Variants in CPNE8 observed in about 807,000 individuals in gnomAD.
CPNE8 encodes copine 8.
A neutral mutation model predicts 81.5 loss-of-function variants in CPNE8; 45 were observed. The ratio of observed to expected loss-of-function variants is 0.55; its 90% CI spans 0.44 to 0.71. The LOEUF is 0.71. CPNE8 is among the 30% of genes least tolerant of loss of function. The probability of loss-of-function intolerance (pLI) is 0.00; values close to 1 mark genes in which losing one functional copy is unlikely to be tolerated. For missense variants in CPNE8, 594 were observed against 672.1 expected, an observed-to-expected ratio of 0.88 and a Z score of 1.28; for synonymous variants, 252 against 226.3, an observed-to-expected ratio of 1.11 and a Z score of -1.02.
chr12:38,746,771 T>A (rs547325948), intron 10 of CPNE8, among the ~76,000 whole-genome samples: 212 of 152,308 alleles, frequency 1.4e-3, no homozygotes, highest in African/African-American at 4.9e-3. Context: ...TTACAGAGAA[T>A]AAAGTGCAAT....
chr12:38,761,615 G>C (rs1258024767), intron 9 of CPNE8, among the ~76,000 whole-genome samples: 1 of 151,926 alleles, frequency 6.6e-6, no homozygotes, highest in Non-Finnish European at 1.5e-5. Flanking sequence ...GGATGGATGG[G>C]GTTTTTATAT....
rs540250905 is a variant in CPNE8, at chr12:38,772,911, T to C, written c.471+3327A>G. ...ATGAATAGATACAGAAAATGTTTTA[T>C]ATATATATAAAATTTATACACACAC... On this transcript the variant is annotated intron_variant, in intron 7 of 19. Transcript: ENST00000331366. Among the ~76,000 whole-genome samples, 9 of 141,174 alleles carry C rather than the reference T, an allele frequency of 6.4e-5. No homozygotes were observed. In the South Asian group the frequency reaches 2.1e-3, roughly 33 times the overall value. 92.6% of individuals were successfully genotyped at this position (141,174 alleles called of 152,430 possible).
chr12:38,666,495 G>A (rs1239803744), intron 19 of CPNE8, among the ~76,000 whole-genome samples: 3 of 152,260 alleles, frequency 2.0e-5, no homozygotes, highest in East Asian at 3.9e-4. Context: ...CAGGTGCGGC[G>A]AGTGAGGTCT....
intron 10 of CPNE8, among the ~76,000 whole-genome samples, chr12:38,743,721 T>G (rs561896012): frequency 1.3e-5 from 2 of 152,264 alleles, no homozygotes; most frequent in African/African-American, 4.8e-5. Flanking sequence ...ACAAAATTCT[T>G]GATTTAGGGA....
In CPNE8 at chr12:38,767,653, C is replaced by T. The variant is rs201488026; in HGVS notation, c.557G>A (p.Arg186Gln). 3.8e-5 allele frequency: 59 copies of T among 1,559,060 alleles called. No individual in the cohort carries two copies. The highest frequency in any genetic ancestry group is 5.1e-5 in the Non-Finnish European group (59 of 1,159,166). Reference sequence around the variant, plus strand: ...AATCTACCTGCCATCTTCATTACTTCGATAAAATACAAGGAAAGGATCTGA... The same window carrying T: ...AATCTACCTGCCATCTTCATTACTTTGATAAAATACAAGGAAAGGATCTGA... The part of the protein sequence containing the change: ...GKSDPFLVFY[R>Q]SNEDGSFTIC... The change falls in exon 8 of 20, where the codon CGA becomes CAA. Residue 186 changes from arginine (R) to glutamine (Q), a missense_variant. Arg to Gln is a conservative substitution (Grantham distance 43). Transcript: ENST00000331366.
At chr12:38,730,492 A>T in intron 10 of CPNE8, 134 bp from the exon 11 acceptor site, 2 of 474,432 alleles carry the variant, frequency 4.2e-6, no homozygotes, top group Non-Finnish European at 7.4e-6. Context: ...AATAATTTAC[A>T]AAATATTTAA....
chr12:38,729,990 G>T (rs1396223507), intron 11 of CPNE8, among the ~76,000 whole-genome samples: 1 of 151,814 alleles, frequency 6.6e-6, no homozygotes, highest in African/African-American at 2.4e-5. Context: ...TGGAAGAGGA[G>T]GTTGGTAAAA....
chr12:38,761,697 A>T (rs944927409), intron 9 of CPNE8, among the ~76,000 whole-genome samples: 2 of 152,192 alleles, frequency 1.3e-5, no homozygotes, highest in African/African-American at 2.4e-5. Context: ...ATTGTGGGAA[A>T]ATCCTCAGGA....
intron 2 of CPNE8, among the ~76,000 whole-genome samples, chr12:38,873,293 T>A (rs1944019194): frequency 6.6e-6 from 1 of 152,144 alleles, no homozygotes; most frequent in African/African-American, 2.4e-5. Context: ...GCTTGGCACA[T>A]AAAATAATAA....
chr12:38,773,307 T>C lies in CPNE8; in HGVS notation c.471+2931A>G, dbSNP rs1354908260. ...AAAAATCTGCTGAAAGGGTAAATCT[T>C]ATGCTGTTTATTATCACAAAAATAT... is the stretch of plus-strand genomic sequence containing the variant. On this transcript the variant is annotated intron_variant, in intron 7 of 19. Transcript: ENST00000331366. Among the ~76,000 whole-genome samples, 4 of 152,224 alleles carry C rather than the reference T, an allele frequency of 2.6e-5. No homozygotes were observed. In the East Asian group the frequency reaches 7.7e-4, roughly 29 times the overall value.
intron 6 of CPNE8, among the ~76,000 whole-genome samples, chr12:38,791,043 A>C (rs992891720): frequency 1.2e-4 from 18 of 151,752 alleles, no homozygotes; most frequent in African/African-American, 3.4e-4. Flanking sequence ...CGTTAATGCC[A>C]AACTGATCTG....
chr12:38,772,888 G>C (rs1303600912), intron 7 of CPNE8, among the ~76,000 whole-genome samples: 1 of 151,078 alleles, frequency 6.6e-6, no homozygotes, highest in African/African-American at 2.4e-5. Context: ...ATCAACAGAT[G>C]AATAGATACA....
chr12:38,802,265 T>A (rs568098217), intron 6 of CPNE8, among the ~76,000 whole-genome samples: 797 of 28,062 alleles, frequency 0.028, 69 homozygotes, highest in African/African-American at 0.045. Context: ...GAAGTAAAGC[T>A]CTCCTCAGCA....
intron 16 of CPNE8, among the ~76,000 whole-genome samples, chr12:38,677,975 C>G (rs933342213): frequency 6.6e-6 from 1 of 151,958 alleles, no homozygotes; most frequent in African/African-American, 2.4e-5. Context: ...CTTTATACTG[C>G]TGCATGAATT....
chr12:38,886,867 C>T (rs1305453375), intron 1 of CPNE8, among the ~76,000 whole-genome samples: 1 of 152,126 alleles, frequency 6.6e-6, no homozygotes, highest in Non-Finnish European at 1.5e-5. Flanking sequence ...GATTCAGAGA[C>T]AAAGACAGGC....
At chr12:38,688,631 A>G (rs1939596989) in intron 15 of CPNE8, among the ~76,000 whole-genome samples, 1 of 151,628 alleles carries the variant, frequency 6.6e-6, no homozygotes, top group African/African-American at 2.4e-5. Context: ...GTATACTACA[A>G]TTCTACTCAA....
At chr12:38,741,608 G>A (rs4494336) in intron 10 of CPNE8, among the ~76,000 whole-genome samples, 122,590 of 152,008 alleles carry the variant, frequency 0.81, 52,399 homozygotes, top group Middle Eastern at 0.97. Flanking sequence ...TACCATTCAG[G>A]ACATAGGCAT....
chr12:38,799,519 C>T (rs1417852923), intron 6 of CPNE8, among the ~76,000 whole-genome samples: 1 of 152,006 alleles, frequency 6.6e-6, no homozygotes, highest in Non-Finnish European at 1.5e-5. Context: ...ACACAACATA[C>T]CAGAATCTCT....
intron 6 of CPNE8, among the ~76,000 whole-genome samples, chr12:38,783,909 C>A (rs1463069691): frequency 2.0e-5 from 3 of 152,124 alleles, no homozygotes; most frequent in Non-Finnish European, 2.9e-5. Context: ...TACCAACAAG[C>A]CCAGACAGTG....
Sources: gnomAD v4.1 joint callset for allele counts (sites outside exome capture counted in the v4.1 genomes callset) on GRCh38, gnomAD v4.1.1 for gene constraint, MANE v1.5 for transcripts, NCBI Gene and HGNC (gene_info 2026-07-23, HGNC 2026-07-21) for gene names.